Variants in COL5A2 observed in about 807,000 individuals in gnomAD.
COL5A2 encodes collagen type V alpha 2 chain.
COL5A2 carries 23 observed loss-of-function variants against 208.2 expected under a neutral mutation model. The observed-to-expected ratio is 0.11, with a 90% CI of 0.08 to 0.16. COL5A2 has a LOEUF of 0.16. Ranked by LOEUF, COL5A2 falls within the 10% of genes least tolerant of loss-of-function variation. COL5A2 has a pLI of 1.00. For missense variants in COL5A2, 1,590 were observed against 1,956.4 expected (o/e 0.81, Z 3.53); for synonymous variants, 625 against 628.5 (o/e 0.99, Z 0.08).
chr2:189,280,378 C>T, the COL5A2 span, among the ~76,000 whole-genome samples: 7 of 151,888 alleles, frequency 4.6e-5, no homozygotes, highest in African/African-American at 1.5e-4. Context: ...CTATAAATAC[C>T]CTGTCAAGCT....
chr2:189,386,029 G>A, the COL5A2 span, among the ~76,000 whole-genome samples: 1 of 152,078 alleles, frequency 6.6e-6, no homozygotes, highest in East Asian at 1.9e-4. Flanking sequence ...AGCTTGTGCA[G>A]GGGAACTCCC....
chr2:189,187,703 G>A (rs1688870056), intron 1 of COL5A2, among the ~76,000 whole-genome samples: 1 of 152,174 alleles, frequency 6.6e-6, no homozygotes, highest in Non-Finnish European at 1.5e-5. Flanking sequence ...GGGCGCGGTG[G>A]CTCACGCCTG....
the COL5A2 span, among the ~76,000 whole-genome samples, chr2:189,325,284 G>C: frequency 6.6e-6 from 1 of 151,388 alleles, no homozygotes; most frequent in Non-Finnish European, 1.5e-5. Flanking sequence ...CCTGCACATT[G>C]TGCACATGTA....
chr2:189,159,432 T>A (rs921635802), intron 1 of COL5A2, among the ~76,000 whole-genome samples: 3 of 152,198 alleles, frequency 2.0e-5, no homozygotes, highest in Non-Finnish European at 2.9e-5. Context: ...GACTGTTTCA[T>A]CGATTTTAAA....
At chr2:189,110,939 A>C (rs1380834644) in intron 1 of COL5A2, among the ~76,000 whole-genome samples, 1 of 152,198 alleles carries the variant, frequency 6.6e-6, no homozygotes, top group East Asian at 1.9e-4. Context: ...ACTTCAAAAA[A>C]GAAAAAGGTG....
At chr2:189,405,192 A>C in the COL5A2 span, among the ~76,000 whole-genome samples, 85,898 of 151,848 alleles carry the variant, frequency 0.57, 26,078 homozygotes, top group East Asian at 0.69. Flanking sequence ...AACACATTAA[A>C]AAAATAGTGA....
the COL5A2 span, among the ~76,000 whole-genome samples, chr2:189,327,463 A>G: frequency 6.6e-6 from 1 of 152,198 alleles, no homozygotes; most frequent in African/African-American, 2.4e-5. Flanking sequence ...ACAAGAACAG[A>G]AAAAGTACAG....
At chr2:189,410,844 T>C in the COL5A2 span, among the ~76,000 whole-genome samples, 12 of 152,226 alleles carry the variant, frequency 7.9e-5, 1 homozygote, top group African/African-American at 2.9e-4. Flanking sequence ...ATAACTAAAT[T>C]TTTACAGTAC....
At chr2:189,252,622 G>A in the COL5A2 span, among the ~76,000 whole-genome samples, 6 of 152,020 alleles carry the variant, frequency 3.9e-5, no homozygotes, top group Non-Finnish European at 7.4e-5. Context: ...TGGGGTGGGG[G>A]GAGTGGGGAG....
intron 1 of COL5A2, among the ~76,000 whole-genome samples, chr2:189,157,927 T>C (rs1280474751): frequency 6.6e-6 from 1 of 151,980 alleles, no homozygotes; most frequent in East Asian, 1.9e-4. Flanking sequence ...TTTCAAAACA[T>C]TCCCATTCTA....
intron 1 of COL5A2, among the ~76,000 whole-genome samples, chr2:189,172,209 T>G (rs2105819424): frequency 6.6e-6 from 1 of 152,232 alleles, no homozygotes; most frequent in South Asian, 2.1e-4. Context: ...GAGCTGAACT[T>G]GTTTACAAGC....
chr2:189,319,250 A>G, the COL5A2 span, among the ~76,000 whole-genome samples: 1 of 151,780 alleles, frequency 6.6e-6, no homozygotes. Context: ...GGCGCAGAAG[A>G]TGGGTGATTT....
intron 1 of COL5A2, among the ~76,000 whole-genome samples, chr2:189,197,975 G>A (rs1306955693): frequency 3.3e-5 from 5 of 151,736 alleles, no homozygotes; most frequent in African/African-American, 9.7e-5. Flanking sequence ...TCAGCCTCCC[G>A]AGGAACTGGG....
intron 3 of COL5A2, among the ~76,000 whole-genome samples, chr2:189,101,083 C>T (rs1687037647): frequency 6.6e-6 from 1 of 151,968 alleles, no homozygotes; most frequent in Non-Finnish European, 1.5e-5. Flanking sequence ...CTCAGCATAG[C>T]AAATGGAAGC....
At chr2:189,115,751 T>C (rs1242941506) in intron 1 of COL5A2, among the ~76,000 whole-genome samples, 2 of 152,164 alleles carry the variant, frequency 1.3e-5, no homozygotes, top group Non-Finnish European at 2.9e-5. Context: ...ATATAATCCG[T>C]CTTTGATAAA....
In COL5A2 at chr2:189,126,644, T is replaced by C. The variant is rs546143336; in HGVS notation, c.98-16195A>G. ...AATTTCCCCTACAGAGGTAGCATTA[T>C]AATAATAAAATGCATTCCAAACCAA... On this transcript the variant is annotated intron_variant, in intron 1 of 53. Transcript: ENST00000374866. Among the ~76,000 whole-genome samples the C allele has an allele frequency of 9.1e-4, 138 of 152,162 alleles. 1 individual carries two copies. Among genetic ancestry groups the C allele is most frequent in the Non-Finnish European group, 1.6e-3 (110 of 67,946 alleles).
chr2:189,261,493 A>G, the COL5A2 span, among the ~76,000 whole-genome samples: 1 of 152,190 alleles, frequency 6.6e-6, no homozygotes, highest in African/African-American at 2.4e-5. Context: ...GTCAGAGGAG[A>G]GTTGGCAGTT....
chr2:189,426,196 G>C, the COL5A2 span, among the ~76,000 whole-genome samples: 1 of 152,150 alleles, frequency 6.6e-6, no homozygotes, highest in African/African-American at 2.4e-5. Flanking sequence ...CCCAAATGCT[G>C]ATAGTGATAT....
chr2:189,130,999 C>A (rs1249927183), intron 1 of COL5A2, among the ~76,000 whole-genome samples: 1 of 152,000 alleles, frequency 6.6e-6, no homozygotes, highest in African/African-American at 2.4e-5. Context: ...ACTAACCATA[C>A]AATATGTCTA....
Sources: gnomAD v4.1 joint callset for allele counts (sites outside exome capture counted in the v4.1 genomes callset) on GRCh38, gnomAD v4.1.1 for gene constraint, MANE v1.5 for transcripts, NCBI Gene and HGNC (gene_info 2026-07-23, HGNC 2026-07-21) for gene names.